The following ATRNL1 variants were observed in gnomAD, a reference collection of about 807,000 sequenced individuals.
ATRNL1 encodes the protein attractin like 1, also known as attractin-like protein 1.
ATRNL1 carries 95 observed loss-of-function variants against 182.7 expected under a neutral mutation model. The observed-to-expected ratio is 0.52, with a 90% CI of 0.44 to 0.62. The LOEUF is 0.62. ATRNL1 is among the 20% of genes least tolerant of loss of function. The pLI is 0.00. For synonymous variants in ATRNL1, 576 were observed against 568.3 expected, an observed-to-expected ratio of 1.01 and a Z score of -0.19; for missense variants, 1,471 against 1,679.5, an observed-to-expected ratio of 0.88 and a Z score of 2.17.
intron 20 of ATRNL1, among the ~76,000 whole-genome samples, chr10:115,408,179 A>G (rs1190112677): frequency 6.7e-6 from 1 of 149,058 alleles, no homozygotes; most frequent in African/African-American, 2.5e-5. Flanking sequence ...AATTTTTTGT[A>G]TTTTTAGTAG....
At chr10:115,209,711 G>A (rs1848947901) in intron 8 of ATRNL1, among the ~76,000 whole-genome samples, 1 of 151,696 alleles carries the variant, frequency 6.6e-6, no homozygotes, top group Admixed American at 6.6e-5. Flanking sequence ...AACAACAGAG[G>A]ATAAGAACAT....
intron 28 of ATRNL1, among the ~76,000 whole-genome samples, chr10:115,932,056 C>T (rs1466708454): frequency 1.3e-5 from 2 of 152,172 alleles, no homozygotes; most frequent in African/African-American, 4.8e-5. Flanking sequence ...CTCTTTCTGA[C>T]ACTTCTCAAT....
At chr10:115,116,641 T>C (rs550991483) in intron 1 of ATRNL1, among the ~76,000 whole-genome samples, 1 of 152,202 alleles carries the variant, frequency 6.6e-6, no homozygotes, top group Non-Finnish European at 1.5e-5. Context: ...GGAGAATTGT[T>C]CTTTCTTTAT....
intron 27 of ATRNL1, among the ~76,000 whole-genome samples, chr10:115,828,134 A>G (rs1425677238): frequency 1.3e-5 from 2 of 152,122 alleles, no homozygotes; most frequent in Non-Finnish European, 2.9e-5. Context: ...CCTGACCAAC[A>G]TGGAGAAACC....
intron 1 of ATRNL1, among the ~76,000 whole-genome samples, chr10:115,100,562 A>G (rs1022235402): frequency 7.9e-5 from 12 of 152,124 alleles, no homozygotes; most frequent in African/African-American, 2.4e-4. Flanking sequence ...AACCATTCAT[A>G]TATTTGTGTT....
chr10:115,246,999 A>G (rs113838526), intron 10 of ATRNL1, among the ~76,000 whole-genome samples: 24 of 152,292 alleles, frequency 1.6e-4, no homozygotes, highest in African/African-American at 5.5e-4. Flanking sequence ...GTTGACATTC[A>G]TTTGCAGCAG....
intron 28 of ATRNL1, among the ~76,000 whole-genome samples, chr10:115,869,945 A>G (rs1207473209): frequency 1.2e-5 from 1 of 80,108 alleles, no homozygotes; most frequent in Non-Finnish European, 2.4e-5. Context: ...CTTCTTGGGT[A>G]TTTATGTTGT....
chr10:115,644,934 A>T (rs1859504554), intron 26 of ATRNL1, among the ~76,000 whole-genome samples: 1 of 152,062 alleles, frequency 6.6e-6, no homozygotes, highest in African/African-American at 2.4e-5. Context: ...TCTATCTAAA[A>T]TTTCTCGTGA....
intron 24 of ATRNL1, among the ~76,000 whole-genome samples, chr10:115,475,811 A>T (rs1848502578): frequency 6.6e-6 from 1 of 151,286 alleles, no homozygotes; most frequent in Non-Finnish European, 1.5e-5. Flanking sequence ...TCTTCTTATC[A>T]TTTACCTCAC....
Position 115,165,542 on chromosome 10 carries a change from C to T in ATRNL1, c.1005-16C>T. ...GAATCTTAGCTTATGAAGTTATTTT[C>T]TTTTCTTGCTTTTAGTTACAATTTA... On this transcript the variant is annotated splice_polypyrimidine_tract_variant and intron_variant, in intron 6 of 28. Coordinates refer to ENST00000355044, the MANE Select transcript of ATRNL1 (RefSeq NM_207303.4). 1.4e-6 allele frequency: 2 copies of T among 1,393,814 alleles called. No individual in the cohort carries two copies. Among genetic ancestry groups the T allele is most frequent in the Non-Finnish European group, 1.9e-6 (2 of 1,038,026 alleles). 86.3% of individuals were successfully genotyped at this position (1,393,814 alleles called of 1,614,324 possible).
At chr10:115,389,539 TG>T in intron 19 of ATRNL1, among the ~76,000 whole-genome samples, 1 of 61,616 alleles carries the variant, frequency 1.6e-5, no homozygotes, top group Non-Finnish European at 2.7e-5. Flanking sequence ...AATGTGTATG[TG>T]TATATATATA....
At chr10:115,295,921 G>A (rs1312836591) in intron 15 of ATRNL1, among the ~76,000 whole-genome samples, 1 of 152,088 alleles carries the variant, frequency 6.6e-6, no homozygotes, top group Admixed American at 6.5e-5. Context: ...ACTTGAGCAA[G>A]GTACACTCCA....
At chr10:115,739,551 A>G (rs1220442219) in intron 27 of ATRNL1, among the ~76,000 whole-genome samples, 3 of 152,332 alleles carry the variant, frequency 2.0e-5, no homozygotes, top group Middle Eastern at 3.4e-3. Flanking sequence ...ACATTCCACA[A>G]TCTATGAAAC....
chr10:115,553,402 T>C (rs1424068947), intron 26 of ATRNL1, among the ~76,000 whole-genome samples: 1 of 151,410 alleles, frequency 6.6e-6, no homozygotes, highest in Non-Finnish European at 1.5e-5. Flanking sequence ...TTTTTAATTC[T>C]TGTAAATTTA....
At chr10:115,336,254 G>C (rs1471593840) in intron 19 of ATRNL1, among the ~76,000 whole-genome samples, 1 of 152,146 alleles carries the variant, frequency 6.6e-6, no homozygotes, top group African/African-American at 2.4e-5. Flanking sequence ...ATATGGACCA[G>C]GAAGATCCAG....
At chr10:115,517,638 C>A (rs1484454269) in intron 24 of ATRNL1, among the ~76,000 whole-genome samples, 1 of 151,642 alleles carries the variant, frequency 6.6e-6, no homozygotes, top group Non-Finnish European at 1.5e-5. Context: ...CCTTATGCCC[C>A]CTTTTCATTT....
intron 26 of ATRNL1, among the ~76,000 whole-genome samples, chr10:115,676,011 G>A (rs1488799666): frequency 2.6e-5 from 4 of 151,834 alleles, no homozygotes; most frequent in Admixed American, 6.6e-5. Context: ...AAATAACACC[G>A]GGCAAAATTT....
intron 20 of ATRNL1, among the ~76,000 whole-genome samples, chr10:115,406,437 T>C (rs1184250597): frequency 3.3e-5 from 5 of 152,200 alleles, no homozygotes; most frequent in African/African-American, 1.2e-4. Flanking sequence ...TTTGGAAAAT[T>C]AACTGTTTTG....
intron 26 of ATRNL1, among the ~76,000 whole-genome samples, chr10:115,676,828 G>C (rs12245229): frequency 0.012 from 1,765 of 152,138 alleles, 33 homozygotes; most frequent in African/African-American, 0.04. Context: ...CTTACAGCAT[G>C]TGCTGAATGG....
Sources: allele counts gnomAD v4.1 joint callset (sites outside exome capture counted in the v4.1 genomes callset), GRCh38; gene constraint gnomAD v4.1.1; transcripts MANE v1.5; gene names NCBI Gene and HGNC (gene_info 2026-07-23, HGNC 2026-07-21).